The following VIPAS39 variants were observed in gnomAD, a reference collection of about 807,000 sequenced individuals.
VIPAS39 encodes spermatogenesis-defective protein 39 homolog.
Under a neutral mutation model 84.7 loss-of-function variants are expected in VIPAS39, and 63 were observed. The ratio of observed to expected loss-of-function variants is 0.74; its 90% CI spans 0.61 to 0.92. The LOEUF is 0.92. Ranked by LOEUF, VIPAS39 falls within the 40% of genes least tolerant of loss-of-function variation. The pLI is 0.00. For synonymous variants in VIPAS39, 192 were observed against 216.5 expected, an observed-to-expected ratio of 0.89 and a Z score of 0.99; for missense variants, 499 against 604.5, an observed-to-expected ratio of 0.83 and a Z score of 1.83.
intron 14 of VIPAS39, among the ~76,000 whole-genome samples, chr14:77,434,915 A>G (rs573442745): frequency 6.8e-4 from 103 of 152,056 alleles, no homozygotes; most frequent in Non-Finnish European, 1.2e-3. Context: ...AAAAAAAAAA[A>G]AAGTATCCAT....
intron 1 of VIPAS39, among the ~76,000 whole-genome samples, chr14:77,456,637 C>T (rs1566742764): frequency 1.3e-5 from 2 of 152,186 alleles, no homozygotes; most frequent in Admixed American, 6.5e-5. Flanking sequence ...TTGCATGGTC[C>T]TTCTACCTAT....
intron 3 of VIPAS39, among the ~76,000 whole-genome samples, chr14:77,452,819 A>T (rs2078903422): frequency 1.3e-5 from 2 of 152,096 alleles, no homozygotes; most frequent in African/African-American, 4.8e-5. Flanking sequence ...ACTCTGAAAA[A>T]GTATTAAGTG....
rs201075494 is a variant in VIPAS39, at chr14:77,453,311, C to T, written c.184G>A (p.Glu62Lys). The T allele has an allele frequency of 2.4e-4, 389 of 1,613,998 alleles. No individual in the cohort carries two copies. The highest frequency in any genetic ancestry group is 3.2e-4 in the Non-Finnish European group (375 of 1,180,000). Residue 62 changes from glutamate (E) to lysine (K), a missense_variant, in exon 3 of 20, where the codon GAA (glutamate) becomes AAA (lysine). Transcript: ENST00000557658. ...CTCTTCTACTTACTTCCCACAGGTT[C>T]CCCACTCCAGCTGACTCGCTCCAGG... ...DDLERVSWSG[E>K]PVGSISWSIR...
At chr14:77,439,323 G>A (rs2078663963) in intron 11 of VIPAS39, among the ~76,000 whole-genome samples, 1 of 152,120 alleles carries the variant, frequency 6.6e-6, no homozygotes, top group South Asian at 2.1e-4. Flanking sequence ...TTATAAGAAT[G>A]CTGTAAGAAG....
In VIPAS39 at chr14:77,427,302, G is replaced by A. The variant is rs1247931311; in HGVS notation, c.*314C>T. ...ATGACTCCCATACCTCTTCCTTTCT[G>A]GAGCAGTCACTTTTCTCAGACCAAG... On this transcript the variant is annotated 3_prime_UTR_variant, in exon 20 of 20. Transcript: ENST00000557658. The A allele has an allele frequency of 2.3e-6, 1 of 434,642 alleles. No individual in the cohort carries two copies. The highest frequency in any genetic ancestry group is 4.2e-6 in the Non-Finnish European group (1 of 236,786). 26.9% of individuals were successfully genotyped at this position (434,642 alleles called of 1,614,324 possible).
In VIPAS39 at chr14:77,427,382, G is replaced by A; in HGVS notation, c.*234C>T. On this transcript the variant is annotated 3_prime_UTR_variant, in exon 20 of 20. Coordinates refer to ENST00000557658, the MANE Select transcript of VIPAS39 (RefSeq NM_001193315.2). ...AGAAATCACTCCCACCTTCATATGAGCACCAGGTGGAGAGAATCATTCTCA... is the reference window on the plus strand; with the variant it reads ...AGAAATCACTCCCACCTTCATATGAACACCAGGTGGAGAGAATCATTCTCA... The A allele has an allele frequency of 1.7e-6, 1 of 577,226 alleles. No homozygotes were observed. Among genetic ancestry groups the A allele is most frequent in the Non-Finnish European group, 3.1e-6 (1 of 324,498 alleles). The allele number at this position is 577,226 out of a possible 1,614,324, so 35.8% of individuals were successfully genotyped here.
chr14:77,448,453 C>T, intron 7 of VIPAS39, 41 bp downstream of exon 7: 10 of 1,600,730 alleles, frequency 6.2e-6, no homozygotes, highest in Non-Finnish European at 7.7e-6. Flanking sequence ...AACAAGCTGC[C>T]CAGCTTCCCA....
intron 14 of VIPAS39, 34 bp from the exon 15 acceptor site, chr14:77,434,337 A>G: frequency 1.2e-5 from 20 of 1,608,532 alleles, no homozygotes; most frequent in Non-Finnish European, 1.7e-5. Flanking sequence ...CTTTAGTGAT[A>G]TTGACTTTCC....
At chr14:77,429,308 TCTC>T (rs1298084070) in intron 17 of VIPAS39, among the ~76,000 whole-genome samples, 3 of 152,160 alleles carry the variant, frequency 2.0e-5, no homozygotes, top group Non-Finnish European at 2.9e-5. Flanking sequence ...AGAGCACACT[TCTC>T]CTGATCCTCG....
intron 12 of VIPAS39, among the ~76,000 whole-genome samples, chr14:77,437,514 A>G (rs1566727126): frequency 6.6e-6 from 1 of 152,222 alleles, no homozygotes; most frequent in Non-Finnish European, 1.5e-5. Flanking sequence ...AGAAGAGAAG[A>G]GTGAGGACAA....
chr14:77,430,303 C>A (rs2078500778), intron 16 of VIPAS39, among the ~76,000 whole-genome samples: 1 of 151,972 alleles, frequency 6.6e-6, no homozygotes, highest in African/African-American at 2.4e-5. Flanking sequence ...AAATAATTAA[C>A]AAATAGGAAA....
chr14:77,435,905 G>A lies in VIPAS39; in HGVS notation c.851C>T (p.Ala284Val), dbSNP rs2078603655. The change falls in exon 13 of 20, where the codon GCA becomes GTA. Residue 284 changes from alanine to valine, a missense_variant. Transcript: ENST00000557658. ...GTCCTGTATGTGTGCGGAATCTTCT[G>A]CTGAAAATGGCAAACTGGTAGAGTG... Reference protein sequence around the residue: ...LKTCVGLPFSAEDSAHIQDHY... With the variant: ...LKTCVGLPFSVEDSAHIQDHY... 7 of 1,614,126 alleles carry A rather than the reference G, an allele frequency of 4.3e-6. No homozygotes were observed. The highest frequency in any genetic ancestry group is 5.9e-6 in the Non-Finnish European group (7 of 1,179,990).
chr14:77,435,371 G>C lies in VIPAS39; in HGVS notation c.935C>G (p.Ser312Ter). The C allele has an allele frequency of 1.3e-6, 2 of 1,568,274 alleles. No homozygotes were observed. Among genetic ancestry groups the C allele is most frequent in the Non-Finnish European group, 1.7e-6 (2 of 1,154,542 alleles). Residue 312 changes from serine (S) to a stop codon, truncating the protein, a stop_gained, in exon 14 of 20, where the codon TCA becomes TGA. Transcript: ENST00000557658. LOFTEE classifies it high-confidence loss of function. The part of the protein sequence containing the change: ...IIEANDRHLE[S>*]AGQTEIFRKH... ...TCGGAAGATCTCAGTCTGTCCTGCT[G>C]ATTCTAGATGGCGATCATTTGCCTG... is the stretch of plus-strand genomic sequence containing the variant.
rs1003934891 is a variant in VIPAS39, at chr14:77,449,703, T to C, written c.382+11A>G. 6 of 1,614,050 alleles carry C rather than the reference T, an allele frequency of 3.7e-6. No homozygotes were observed. In the African/African-American group the frequency reaches 8.0e-5, roughly 22 times the overall value. ...TTTCCCACAGCAATTAAAAGAGGGT[T>C]CAATGCCTACCATCAGAAAGGGACT... On this transcript the variant is annotated intron_variant, in intron 5 of 19. Coordinates refer to ENST00000557658, the MANE Select transcript of VIPAS39 (RefSeq NM_001193315.2).
intron 6 of VIPAS39, among the ~76,000 whole-genome samples, chr14:77,448,948 G>T (rs1280388988): frequency 6.6e-6 from 1 of 152,182 alleles, no homozygotes; most frequent in Non-Finnish European, 1.5e-5. Context: ...TCTTCCTTAT[G>T]AATCAATTTG....
intron 10 of VIPAS39, 152 bp from the exon 11 acceptor site, chr14:77,441,245 C>G: frequency 1.2e-6 from 1 of 814,328 alleles, no homozygotes; most frequent in South Asian, 1.4e-5. Context: ...ATCATTGTTC[C>G]CCTGGTCTCT....
At chr14:77,441,258 G>A (rs2078699168) in intron 10 of VIPAS39, 165 bp from the exon 11 acceptor site, 1 of 741,044 alleles carries the variant, frequency 1.3e-6, no homozygotes, top group Non-Finnish European at 2.3e-6. Flanking sequence ...TGGTCTCTCT[G>A]GCTGAACAAA....
At chr14:77,441,855 C>A (rs1457242415) in intron 10 of VIPAS39, among the ~76,000 whole-genome samples, 1 of 152,108 alleles carries the variant, frequency 6.6e-6, no homozygotes, top group African/African-American at 2.4e-5. Flanking sequence ...ACATCATGTG[C>A]ACATATTTTA....
chr14:77,448,480 T>C lies in VIPAS39; in HGVS notation c.504+14A>G. The C allele has an allele frequency of 1.9e-6, 3 of 1,614,054 alleles. No individual in the cohort carries two copies. The South Asian group carries it at 3.3e-5, about 18-fold the overall frequency. On this transcript the variant is annotated intron_variant, in intron 7 of 19. Coordinates refer to ENST00000557658, the MANE Select transcript of VIPAS39 (RefSeq NM_001193315.2). ...AGCTTCCCAAAGAACCTCACAAAAA[T>C]TCTCTGTCCTTACCTTGCCCTTCCG... is the stretch of plus-strand genomic sequence containing the variant.
Sources: allele counts gnomAD v4.1 joint callset (sites outside exome capture counted in the v4.1 genomes callset), GRCh38; gene constraint gnomAD v4.1.1; transcripts MANE v1.5; gene names NCBI Gene and HGNC (gene_info 2026-07-23, HGNC 2026-07-21).